EYA4: variants seen among roughly 807,000 people sequenced by gnomAD.
EYA4 encodes EYA transcriptional coactivator and phosphatase 4.
EYA4 carries 31 observed loss-of-function variants against 87.9 expected under a neutral mutation model. The observed-to-expected ratio is 0.35, with a 90% confidence interval of 0.27 to 0.48. The LOEUF is 0.48. Ranked by LOEUF, EYA4 falls within the 20% of genes least tolerant of loss-of-function variation. The pLI is 0.99. For missense variants in EYA4, 678 were observed against 761.4 expected (o/e 0.89, Z 1.29); for synonymous variants, 263 against 270.6 (o/e 0.97, Z 0.28).
chr6:133,265,013 C>T (rs1346848898), intron 1 of EYA4, among the ~76,000 whole-genome samples: 1 of 152,090 alleles, frequency 6.6e-6, no homozygotes, highest in Non-Finnish European at 1.5e-5. Context: ...ACCTTACAGT[C>T]TCTCCCACCT....
intron 2 of EYA4, among the ~76,000 whole-genome samples, chr6:133,327,595 C>T (rs1167523491): frequency 2.6e-5 from 4 of 152,080 alleles, no homozygotes; most frequent in Admixed American, 6.6e-5. Context: ...TGTTTTTCCC[C>T]GAGTAACAAA....
chr6:133,360,959 G>A (rs1308619178), intron 2 of EYA4, among the ~76,000 whole-genome samples: 1 of 152,198 alleles, frequency 6.6e-6, no homozygotes, highest in Non-Finnish European at 1.5e-5. Context: ...AGACACAGAA[G>A]CGCTTTAGAC....
chr6:133,426,023 C>T (rs1790642757), intron 3 of EYA4, among the ~76,000 whole-genome samples: 1 of 150,998 alleles, frequency 6.6e-6, no homozygotes, highest in Non-Finnish European at 1.5e-5. Context: ...TAAACCTGTC[C>T]ATCCATCTTC....
At chr6:133,386,636 T>A (rs1786771838) in intron 3 of EYA4, among the ~76,000 whole-genome samples, 1 of 152,192 alleles carries the variant, frequency 6.6e-6, no homozygotes, top group Non-Finnish European at 1.5e-5. Flanking sequence ...AATTTTTATT[T>A]TATACTCGTT....
intron 2 of EYA4, among the ~76,000 whole-genome samples, chr6:133,297,367 T>C (rs1388155350): frequency 1.3e-5 from 2 of 152,198 alleles, no homozygotes; most frequent in Admixed American, 6.5e-5. Context: ...AAATTGAATA[T>C]TGCGGGCTTG....
At chr6:133,331,701 C>T (rs1238643510) in intron 2 of EYA4, among the ~76,000 whole-genome samples, 1 of 152,128 alleles carries the variant, frequency 6.6e-6, no homozygotes, top group Non-Finnish European at 1.5e-5. Flanking sequence ...ATTTCAGAAC[C>T]TAGAGAGAGG....
intron 2 of EYA4, among the ~76,000 whole-genome samples, chr6:133,309,757 G>A (rs1221778741): frequency 6.6e-6 from 1 of 152,128 alleles, no homozygotes; most frequent in Non-Finnish European, 1.5e-5. Context: ...CACAAGGAAG[G>A]CAAGTGAGGT....
In EYA4 at chr6:133,528,908, G is replaced by A. The variant is rs1583578442; in HGVS notation, c.*103G>A. ...TCTACACATATAAATTGTCTTAATGGATGAAATCATATTTGGAATAAAAAT... is the reference window on the plus strand; with the variant it reads ...TCTACACATATAAATTGTCTTAATGAATGAAATCATATTTGGAATAAAAAT... On this transcript the variant is annotated 3_prime_UTR_variant, in exon 20 of 20. Coordinates refer to ENST00000355286, the MANE Select transcript of EYA4 (RefSeq NM_004100.5). The A allele has an allele frequency of 1.9e-6, 3 of 1,594,994 alleles. No individual in the cohort carries two copies. In the Admixed American group the frequency reaches 5.1e-5, roughly 27 times the overall value.
intron 3 of EYA4, among the ~76,000 whole-genome samples, chr6:133,384,948 G>A (rs751167270): frequency 6.6e-6 from 1 of 152,072 alleles, no homozygotes; most frequent in Non-Finnish European, 1.5e-5. Flanking sequence ...CTCTAATATA[G>A]ACACTAAGCA....
At chr6:133,274,930 T>G in intron 2 of EYA4, 117 bp downstream of exon 2, 1 of 831,550 alleles carries the variant, frequency 1.2e-6, no homozygotes, top group Non-Finnish European at 2.0e-6. Flanking sequence ...TTTAAATGAT[T>G]TTTGAATTTC....
Position 133,412,019 on chromosome 6 carries a change from C to A in EYA4, c.83+29578C>A, listed in dbSNP as rs145296329. Among the ~76,000 whole-genome samples, 149 of 152,298 alleles carry A rather than the reference C, an allele frequency of 9.8e-4. 1 individual carries two copies. In the East Asian group the frequency reaches 0.022, roughly 23 times the overall value. Reference sequence around the variant, plus strand: ...TTGTCATTGTAAACTATAATTGTTGCTGTTCTGTTCCCTTCTTCAAAGTCA... The same window carrying A: ...TTGTCATTGTAAACTATAATTGTTGATGTTCTGTTCCCTTCTTCAAAGTCA... On this transcript the variant is annotated intron_variant, in intron 3 of 19. Coordinates refer to ENST00000355286, the MANE Select transcript of EYA4 (RefSeq NM_004100.5).
At chr6:133,503,538 C>T (rs1175693413) in intron 13 of EYA4, among the ~76,000 whole-genome samples, 1 of 152,008 alleles carries the variant, frequency 6.6e-6, no homozygotes, top group Non-Finnish European at 1.5e-5. Flanking sequence ...TGTCTTGCAT[C>T]AGTGAACATT....
At chr6:133,528,673 GC>G in intron 19 of EYA4, 51 bp from the exon 20 acceptor site, 1 of 1,241,936 alleles carries the variant, frequency 8.1e-7, no homozygotes, top group Non-Finnish European at 1.2e-6. Context: ...CTCTCTCCAT[GC>G]CTCATTCCTT....
Position 133,464,606 on chromosome 6 carries a change from T to C in EYA4, c.725-173T>C, listed in dbSNP as rs41286198. Among the ~76,000 whole-genome samples the C allele has an allele frequency of 0.028, 4,223 of 152,256 alleles. 95 individuals are homozygous for C. The highest frequency in any genetic ancestry group is 0.048 in the Middle Eastern group (14 of 294). On this transcript the variant is annotated intron_variant, in intron 9 of 19. Coordinates refer to ENST00000355286, the MANE Select transcript of EYA4 (RefSeq NM_004100.5). ...ATTCAATAGGAAAGGGTTTACCAGC[T>C]GTTACAAGAGGGAGAGAGCTAAGCC...
In EYA4 at chr6:133,425,090, TTATC is replaced by T. The variant is rs1167942622; in HGVS notation, c.84-21535_84-21532del. 5.4e-4 allele frequency among the ~76,000 whole-genome samples: 82 copies of T among 150,970 alleles called. 5 individuals are homozygous for T. Among genetic ancestry groups the T allele is most frequent in the African/African-American group, 1.9e-3 (75 of 40,424 alleles). ...TTCCTTTGGGTGGTGGTACTACAGT[TTATC>T]TATCCGCTCACCTATTAATGGACAT... is the stretch of plus-strand genomic sequence containing the variant. On this transcript the variant is annotated intron_variant, in intron 3 of 19. Coordinates refer to ENST00000355286, the MANE Select transcript of EYA4 (RefSeq NM_004100.5).
chr6:133,376,795 T>G (rs1439406150), intron 2 of EYA4, among the ~76,000 whole-genome samples: 1 of 152,028 alleles, frequency 6.6e-6, no homozygotes, highest in Non-Finnish European at 1.5e-5. Flanking sequence ...ATATTGAAAG[T>G]ATTAATTATT....
chr6:133,319,071 T>C (rs1458264702), intron 2 of EYA4, among the ~76,000 whole-genome samples: 1 of 152,300 alleles, frequency 6.6e-6, no homozygotes, highest in East Asian at 1.9e-4. Context: ...ATTTGTATGG[T>C]GTAGATCCAT....
At chr6:133,496,869 T>C (rs996845710) in intron 13 of EYA4, among the ~76,000 whole-genome samples, 1 of 152,194 alleles carries the variant, frequency 6.6e-6, no homozygotes, top group Non-Finnish European at 1.5e-5. Flanking sequence ...GGTCAATGTT[T>C]ACTCCTGCAC....
intron 3 of EYA4, among the ~76,000 whole-genome samples, chr6:133,404,546 CA>C (rs1263967386): frequency 6.6e-6 from 1 of 151,820 alleles, no homozygotes; most frequent in African/African-American, 2.4e-5. Context: ...GTAGATTCTT[CA>C]GACAGAAAAT....
Sources: gnomAD v4.1 joint callset for allele counts (sites outside exome capture counted in the v4.1 genomes callset) on GRCh38, gnomAD v4.1.1 for gene constraint, MANE v1.5 for transcripts, NCBI Gene and HGNC (gene_info 2026-07-23, HGNC 2026-07-21) for gene names.